Variants in RELN observed in about 807,000 individuals in gnomAD.
The protein encoded by RELN is reelin.
Under a neutral mutation model 427.6 loss-of-function variants are expected in RELN, and 108 were observed. The observed-to-expected ratio is 0.25, with a 90% CI of 0.22 to 0.30. The LOEUF is 0.30. Ranked by LOEUF, RELN falls within the 10% of genes least tolerant of loss-of-function variation. RELN has a pLI of 1.00. For synonymous variants in RELN, 1,524 were observed against 1,513.4 expected (o/e 1.01, Z -0.16); for missense variants, 3,715 against 4,302.8 (o/e 0.86, Z 3.82).
At chr7:103,940,098 A>C (rs1300641651) in intron 1 of RELN, among the ~76,000 whole-genome samples, 2 of 152,220 alleles carry the variant, frequency 1.3e-5, no homozygotes, top group Non-Finnish European at 2.9e-5. Flanking sequence ...CCAGTCCAAA[A>C]AAATGGAAAG....
chr7:103,680,456 G>T (rs1833628375), intron 11 of RELN, among the ~76,000 whole-genome samples: 1 of 152,000 alleles, frequency 6.6e-6, no homozygotes, highest in Non-Finnish European at 1.5e-5. Context: ...TCAACATTTG[G>T]ATCCCCTCAT....
At chr7:103,763,501 A>C (rs6954479) in intron 4 of RELN, among the ~76,000 whole-genome samples, 26,949 of 152,144 alleles carry the variant, frequency 0.18, 2,531 homozygotes, top group Middle Eastern at 0.33. Context: ...CAGTTAGCAA[A>C]TATAAGGTGG....
chr7:103,810,096 C>T (rs571605929), intron 3 of RELN, among the ~76,000 whole-genome samples: 2 of 152,244 alleles, frequency 1.3e-5, no homozygotes, highest in South Asian at 4.2e-4. Context: ...ACAATTCAGA[C>T]CAAAGGAACT....
chr7:103,824,485 T>A lies in RELN; in HGVS notation c.473+9052A>T, dbSNP rs1281811042. ...CCTGACAATAGCTCCAGGCCCCATATAGGTTAAAACTCCAGATCTAGGACC... is the reference window on the plus strand; with the variant it reads ...CCTGACAATAGCTCCAGGCCCCATAAAGGTTAAAACTCCAGATCTAGGACC... On this transcript the variant is annotated intron_variant, in intron 3 of 64. Coordinates refer to ENST00000428762, the MANE Select transcript of RELN (RefSeq NM_005045.4). This position sits in a 1 kb window ranked among gnomAD's most constrained non-coding sequence, Gnocchi z 4.4. 1.3e-5 allele frequency among the ~76,000 whole-genome samples: 2 copies of A among 152,058 alleles called. No homozygotes were observed. The highest frequency in any genetic ancestry group is 4.8e-5 in the African/African-American group (2 of 41,422).
At chr7:103,510,239 A>G (rs1331208125) in intron 51 of RELN, among the ~76,000 whole-genome samples, 1 of 152,234 alleles carries the variant, frequency 6.6e-6, no homozygotes, top group East Asian at 1.9e-4. Flanking sequence ...GGAACCAACC[A>G]AATGCCCATC....
Position 103,652,601 on chromosome 7 carries a change from C to T in RELN, c.1713G>A (p.Met571Ile). The change falls in exon 14 of 65, where the codon ATG becomes ATA. Residue 571 changes from methionine (M) to isoleucine (I), a missense_variant. Transcript: ENST00000428762. ...LPVLPSTMSH[M>I]IQFSINLGCG... ...ATCCCAGATTGATGGAAAACTGTAT[C>T]ATGTGAGACATTGTAGAAGGGAGAA... 6.2e-7 allele frequency: 1 copy of T among 1,612,858 alleles called. No individual in the cohort carries two copies. Among genetic ancestry groups the T allele is most frequent in the Non-Finnish European group, 8.5e-7 (1 of 1,179,278 alleles).
chr7:103,526,872 C>T (rs1406136416), intron 46 of RELN, among the ~76,000 whole-genome samples: 1 of 152,068 alleles, frequency 6.6e-6, no homozygotes, highest in Non-Finnish European at 1.5e-5. Flanking sequence ...TAATGATGGC[C>T]ACCATCAGCT....
At chr7:103,748,080 A>G (rs1173356105) in intron 6 of RELN, among the ~76,000 whole-genome samples, 3 of 152,038 alleles carry the variant, frequency 2.0e-5, no homozygotes, top group Non-Finnish European at 4.4e-5. Flanking sequence ...AATGGCATAT[A>G]AAAAAGCAAA....
chr7:103,634,819 T>C (rs2117346610), intron 19 of RELN, among the ~76,000 whole-genome samples: 1 of 152,214 alleles, frequency 6.6e-6, no homozygotes, highest in South Asian at 2.1e-4. Flanking sequence ...TCCTGTGTAA[T>C]AGTTTACATT....
intron 16 of RELN, among the ~76,000 whole-genome samples, chr7:103,644,121 C>G (rs1007787311): frequency 2.0e-5 from 3 of 151,402 alleles, no homozygotes; most frequent in Non-Finnish European, 2.9e-5. Context: ...AAAATTCCAT[C>G]CAAATGAAAG....
At chr7:103,503,267 T>C (rs1203157911) in intron 51 of RELN, 37 bp from the exon 52 acceptor site, 1 of 1,582,710 alleles carries the variant, frequency 6.3e-7, no homozygotes, top group Non-Finnish European at 8.7e-7. Flanking sequence ...GTATTAAAAC[T>C]ATATGATATG....
intron 1 of RELN, among the ~76,000 whole-genome samples, chr7:103,976,671 C>T (rs1444647467): frequency 6.6e-6 from 1 of 152,088 alleles, no homozygotes; most frequent in Admixed American, 6.5e-5. Context: ...AGTGGAGATA[C>T]TGGGTGGGCA....
At chr7:103,523,637 T>C in intron 46 of RELN, 106 bp from the exon 47 acceptor site, 1 of 1,033,902 alleles carries the variant, frequency 9.7e-7, no homozygotes, top group Non-Finnish European at 1.5e-6. Context: ...AGCATGTACA[T>C]TCCTACTTCT....
intron 51 of RELN, among the ~76,000 whole-genome samples, 166 bp from the exon 52 acceptor site, chr7:103,503,396 C>T (rs1228654044): frequency 6.6e-6 from 1 of 152,180 alleles, no homozygotes. Flanking sequence ...AGAAAGTCAC[C>T]ATGATTGCCC....
chr7:103,771,653 A>C (rs1337217225), intron 4 of RELN, among the ~76,000 whole-genome samples: 3 of 152,144 alleles, frequency 2.0e-5, no homozygotes, highest in African/African-American at 7.2e-5. Flanking sequence ...ATCAATGTCC[A>C]CCCAGTCACC....
chr7:103,675,994 T>C (rs1833512296), intron 11 of RELN, among the ~76,000 whole-genome samples: 1 of 152,100 alleles, frequency 6.6e-6, no homozygotes, highest in South Asian at 2.1e-4. Context: ...ACTTCATGTC[T>C]AAAACACCAA....
Position 103,791,500 on chromosome 7 carries a change from C to G in RELN, c.474-14873G>C, listed in dbSNP as rs538003649. 2.6e-5 allele frequency among the ~76,000 whole-genome samples: 4 copies of G among 152,186 alleles called. No individual in the cohort carries two copies. The South Asian group carries it at 8.3e-4, about 32-fold the overall frequency. ...TCCATGAAGAAAGAGGTCTTTAAAA[C>G]AAATAATGTTCAGTCAACTGGATAT... On this transcript the variant is annotated intron_variant, in intron 3 of 64. Transcript: ENST00000428762.
Position 103,989,484 on chromosome 7 carries a change from CGGGAGCGGGCCT to C in RELN, c.-140_-129del, listed in dbSNP as rs1218747481. 3.9e-5 allele frequency: 32 copies of C among 810,326 alleles called. No homozygotes were observed. The highest frequency in any genetic ancestry group is 1.6e-4 in the Admixed American group (4 of 24,784). The allele number at this position is 810,326 out of a possible 1,614,324, so 50.2% of individuals were successfully genotyped here. A position where few individuals can be genotyped will look rare whatever the true frequency, so the allele number is the denominator to read the frequency against. On this transcript the variant is annotated 5_prime_UTR_variant, in exon 1 of 65. Transcript: ENST00000428762. The surrounding 1 kb of genome is among the most constrained non-coding windows in gnomAD (Gnocchi z 4.9). ...AAGGCGGACGGGAGCGGAACGGGCT[CGGGAGCGGGCCT>C]GGGAGCGGGCCCCCGCCGAGAAGTT...
intron 4 of RELN, among the ~76,000 whole-genome samples, chr7:103,772,864 T>C (rs1791604370): frequency 6.6e-6 from 1 of 152,170 alleles, no homozygotes; most frequent in Non-Finnish European, 1.5e-5. Flanking sequence ...GGAATTTCAC[T>C]CTGAAGACAA....
Sources: allele counts gnomAD v4.1 joint callset (sites outside exome capture counted in the v4.1 genomes callset), GRCh38; gene constraint gnomAD v4.1.1; non-coding constraint Gnocchi (gnomAD v3.1); transcripts MANE v1.5; gene names NCBI Gene and HGNC (gene_info 2026-07-23, HGNC 2026-07-21).